The following RIGI variants were observed in gnomAD, a reference collection of about 807,000 sequenced individuals.
RIGI encodes the protein antiviral innate immune response receptor RIG-I.
the RIGI span, among the ~76,000 whole-genome samples, chr9:32,501,631 T>C: frequency 6.6e-6 from 1 of 151,990 alleles, no homozygotes; most frequent in East Asian, 1.9e-4. Flanking sequence ...GCCCAGGGAG[T>C]AGTAATAAAA....
chr9:32,502,493 T>C, the RIGI span, among the ~76,000 whole-genome samples: 1 of 152,250 alleles, frequency 6.6e-6, no homozygotes, highest in Non-Finnish European at 1.5e-5. Context: ...AGGATTCCAA[T>C]TTCCACACAT....
At chr9:32,518,074 A>T in the RIGI span, among the ~76,000 whole-genome samples, 1 of 152,156 alleles carries the variant, frequency 6.6e-6, no homozygotes, top group African/African-American at 2.4e-5. Flanking sequence ...ACTGAAATTT[A>T]AGGTTGTTAC....
chr9:32,472,203 G>A, the RIGI span, among the ~76,000 whole-genome samples: 1 of 152,270 alleles, frequency 6.6e-6, no homozygotes, highest in Middle Eastern at 3.4e-3. Context: ...ACTGCTTAAA[G>A]AATAACAATA....
the RIGI span, among the ~76,000 whole-genome samples, chr9:32,482,012 A>G: frequency 6.6e-6 from 1 of 152,272 alleles, no homozygotes; most frequent in Non-Finnish European, 1.5e-5. Flanking sequence ...AGGTGGGAGG[A>G]GTAAGAAAAT....
chr9:32,486,453 C>CAA, the RIGI span, among the ~76,000 whole-genome samples: 3,546 of 60,640 alleles, frequency 0.058, 192 homozygotes, highest in East Asian at 0.23. Flanking sequence ...GACTCTGTCT[C>CAA]AAAAAAAAAA....
chr9:32,457,502 ACCCC>A, the RIGI span: 3 of 1,138,564 alleles, frequency 2.6e-6, no homozygotes, highest in Non-Finnish European at 2.4e-6. Context: ...AAAAAAGAAA[ACCCC>A]ACAATAATCT....
the RIGI span, among the ~76,000 whole-genome samples, chr9:32,508,437 G>A: frequency 1.3e-5 from 2 of 151,682 alleles, no homozygotes; most frequent in South Asian, 4.2e-4. Flanking sequence ...AGTGGGTGCA[G>A]CCCACAGACA....
chr9:32,481,207 T>C, the RIGI span: 16 of 874,308 alleles, frequency 1.8e-5, no homozygotes, highest in Non-Finnish European at 2.7e-5. Flanking sequence ...GTTTGCTTCA[T>C]AAGAACTTTC....
the RIGI span, among the ~76,000 whole-genome samples, chr9:32,484,090 G>T: frequency 6.6e-6 from 1 of 152,250 alleles, no homozygotes; most frequent in East Asian, 1.9e-4. Context: ...ATTCAGGTAG[G>T]GAAGTAGTAG....
the RIGI span, among the ~76,000 whole-genome samples, chr9:32,490,999 T>C: frequency 1.3e-5 from 2 of 152,136 alleles, no homozygotes; most frequent in African/African-American, 2.4e-5. Context: ...TGGGAATTCA[T>C]AGACATTGGG....
At chr9:32,496,863 T>G in the RIGI span, among the ~76,000 whole-genome samples, 64 of 152,350 alleles carry the variant, frequency 4.2e-4, no homozygotes, top group African/African-American at 1.5e-3. Flanking sequence ...CTTGGTATCT[T>G]TGAGCATATA....
chr9:32,479,336 T>C, the RIGI span, among the ~76,000 whole-genome samples: 1 of 152,198 alleles, frequency 6.6e-6, no homozygotes, highest in Non-Finnish European at 1.5e-5. Context: ...GGTTGTTAAA[T>C]ATTAACCAGC....
the RIGI span, chr9:32,493,954 GAA>G: frequency 3.2e-6 from 5 of 1,545,568 alleles, no homozygotes; most frequent in African/African-American, 7.0e-5. Flanking sequence ...TGAAAAAAAA[GAA>G]AAAAAATGTG....
chr9:32,516,860 A>C, the RIGI span, among the ~76,000 whole-genome samples: 1 of 152,168 alleles, frequency 6.6e-6, no homozygotes, highest in Non-Finnish European at 1.5e-5. Context: ...CAGGTTAATA[A>C]AGCCCGATTG....
At chr9:32,490,500 C>CA in the RIGI span, among the ~76,000 whole-genome samples, 1 of 150,664 alleles carries the variant, frequency 6.6e-6, no homozygotes, top group Admixed American at 6.6e-5. Context: ...CTGAAATGAC[C>CA]AAAAAAACAA....
the RIGI span, chr9:32,467,832 G>A: frequency 4.2e-5 from 68 of 1,613,714 alleles, 1 homozygote; most frequent in South Asian, 7.1e-4. Flanking sequence ...ACTGTGCAAT[G>A]TCAATGCCTT....
At chr9:32,491,324 C>T in the RIGI span, 4 of 1,613,482 alleles carry the variant, frequency 2.5e-6, no homozygotes, top group East Asian at 2.2e-5. Context: ...TGAATTCTCA[C>T]TAAGATTCTG....
the RIGI span, chr9:32,493,931 G>A: frequency 6.3e-7 from 1 of 1,594,232 alleles, no homozygotes; most frequent in Non-Finnish European, 8.5e-7. Context: ...GCTTCATAAA[G>A]TCCAGAATAA....
At chr9:32,473,286 C>CTTTTTTT in the RIGI span, among the ~76,000 whole-genome samples, 1 of 122,572 alleles carries the variant, frequency 8.2e-6, no homozygotes, top group Non-Finnish European at 1.6e-5. Flanking sequence ...ATCTCTAAGA[C>CTTTTTTT]TTTTTTTTTT....
Sources: gnomAD v4.1 joint callset for allele counts (sites outside exome capture counted in the v4.1 genomes callset) on GRCh38, gnomAD v4.1.1 for gene constraint, MANE v1.5 for transcripts, NCBI Gene and HGNC (gene_info 2026-07-23, HGNC 2026-07-21) for gene names.